EDA: variants seen among roughly 807,000 people sequenced by gnomAD.
The protein encoded by EDA is ectodysplasin-A.
In EDA, 2 loss-of-function variants were observed where a neutral mutation model predicts 23.6. The observed-to-expected ratio is 0.08, with a 90% CI of 0.03 to 0.27. EDA has a LOEUF of 0.27. Among genes scored for constraint, EDA ranks in the 10% least tolerant of loss-of-function variants. EDA has a pLI of 1.00. For synonymous variants in EDA, 131 were observed against 132.0 expected (o/e 0.99, Z 0.05); for missense variants, 229 against 324.2 (o/e 0.71, Z 2.26).
At chrX:69,785,717 G>A (rs1283041132) in intron 1 of EDA, among the ~76,000 whole-genome samples, 1 of 106,915 alleles carries the variant, frequency 9.4e-6, no homozygotes, top group African/African-American at 3.3e-5. Context: ...GAGGATTTTT[G>A]CATCAATGTT....
chrX:70,019,110 C>G (rs1480419323), intron 2 of EDA, among the ~76,000 whole-genome samples: 3 of 111,924 alleles, frequency 2.7e-5, no homozygotes, highest in Non-Finnish European at 5.6e-5. Context: ...CATCACTGAT[C>G]ATTAGAGAAA....
chrX:69,633,985 G>A (rs1176998786), intron 1 of EDA, among the ~76,000 whole-genome samples: 1 of 112,304 alleles, frequency 8.9e-6, no homozygotes, highest in African/African-American at 3.2e-5. Context: ...CACCAGCAGT[G>A]TATAAGGGTT....
chrX:69,856,257 GTGTGTGTGTGT>G (rs2017248244), intron 1 of EDA, among the ~76,000 whole-genome samples: 1 of 79,243 alleles, frequency 1.3e-5, no homozygotes, highest in Non-Finnish European at 2.6e-5. Flanking sequence ...ATTCCATGGT[GTGTGTGTGTGT>G]GTGTGTGTGT....
At chrX:69,974,987 G>A (rs1002908537) in intron 2 of EDA, among the ~76,000 whole-genome samples, 4 of 112,051 alleles carry the variant, frequency 3.6e-5, no homozygotes, top group Admixed American at 1.9e-4. Flanking sequence ...AGGTTGTGGA[G>A]AAAATGGAAC....
chrX:69,831,863 C>T (rs2016618200), intron 1 of EDA, among the ~76,000 whole-genome samples: 2 of 112,104 alleles, frequency 1.8e-5, no homozygotes, highest in South Asian at 7.3e-4. Flanking sequence ...CTGTTCATAT[C>T]CTTTGCCCAC....
intron 1 of EDA, among the ~76,000 whole-genome samples, chrX:69,654,372 T>C (rs1386876485): frequency 1.8e-5 from 2 of 111,359 alleles, no homozygotes; most frequent in Non-Finnish European, 3.8e-5. Flanking sequence ...GTTCAACCAT[T>C]GTGGAAGTCA....
intron 2 of EDA, among the ~76,000 whole-genome samples, chrX:70,005,362 A>G (rs2019789666): frequency 9.0e-6 from 1 of 110,674 alleles, no homozygotes; most frequent in Admixed American, 9.7e-5. Context: ...TTTACTTCCC[A>G]GGTTTACCAC....
At chrX:69,786,531 C>T (rs1362036999) in intron 1 of EDA, among the ~76,000 whole-genome samples, 3 of 109,801 alleles carry the variant, frequency 2.7e-5, no homozygotes, top group African/African-American at 1.0e-4. Flanking sequence ...TTTATTTCTG[C>T]CTTCATTTCG....
intron 1 of EDA, among the ~76,000 whole-genome samples, chrX:69,716,831 G>A (rs1040170610): frequency 9.0e-6 from 1 of 111,199 alleles, no homozygotes; most frequent in Middle Eastern, 4.2e-3. Flanking sequence ...TGTAACAGTT[G>A]TGAATGGGAT....
In EDA at chrX:69,616,367, G is replaced by C; in HGVS notation, c.59G>C (p.Arg20Pro). 1.7e-6 allele frequency: 2 copies of C among 1,208,097 alleles called. No homozygotes were observed. Among genetic ancestry groups the C allele is most frequent in the South Asian group, 3.5e-5 (2 of 56,837 alleles). The change falls in exon 1 of 8, where the codon CGA becomes CCA. Residue 20 changes from arginine to proline, a missense_variant. Physicochemically the swap from Arg to Pro is moderately radical, Grantham distance 103. Transcript: ENST00000374552. ...CTGCCTGCAGCAGCGCCGCGGGAGC[G>C]AGGGAGCCAGGGCTGCGGGTGTGGC... ...ELLPAAAPRE[R>P]GSQGCGCGGA...
chrX:69,714,510 TA>T (rs1304060378), intron 1 of EDA, among the ~76,000 whole-genome samples: 2 of 111,732 alleles, frequency 1.8e-5, no homozygotes, highest in South Asian at 3.7e-4. Context: ...CTCCTGTTTT[TA>T]AAAAAGGTTT....
chrX:70,021,471 A>G (rs55924706), intron 2 of EDA, among the ~76,000 whole-genome samples: 19,086 of 110,934 alleles, frequency 0.17, 1,620 homozygotes, highest in Middle Eastern at 0.34. Flanking sequence ...ATCTTTCCCC[A>G]AACAGCTTTC....
intron 1 of EDA, among the ~76,000 whole-genome samples, chrX:69,714,832 C>G (rs1482862540): frequency 9.0e-6 from 1 of 111,132 alleles, no homozygotes; most frequent in African/African-American, 3.3e-5. Context: ...GATTCCTTCT[C>G]CTTTTTTTCT....
At chrX:69,906,598 T>C (rs1051823493) in intron 1 of EDA, among the ~76,000 whole-genome samples, 2 of 112,140 alleles carry the variant, frequency 1.8e-5, no homozygotes, top group African/African-American at 6.5e-5. Context: ...CAGAATGCTG[T>C]GGCTTTCAGA....
rs1028719814 is a variant in EDA at position 69,653,223 on chromosome X, T to C, written c.396+36519T>C. On this transcript the variant is annotated intron_variant, in intron 1 of 7. Transcript: ENST00000374552. Reference sequence around the variant, plus strand: ...TTGTAAGTTGGATTCCTAGGTATTTTATTCTCTTGGAAGCAATTGTGAATG... The same window carrying C: ...TTGTAAGTTGGATTCCTAGGTATTTCATTCTCTTGGAAGCAATTGTGAATG... Among the ~76,000 whole-genome samples the C allele has an allele frequency of 4.5e-5, 5 of 111,691 alleles. No homozygotes were observed. In the Admixed American group the frequency reaches 4.8e-4, roughly 11 times the overall value.
rs143078868 is a variant in EDA at position 70,015,001 on chromosome X, T to C, written c.503-8217T>C. On this transcript the variant is annotated intron_variant, in intron 2 of 7. Coordinates refer to ENST00000374552, the MANE Select transcript of EDA (RefSeq NM_001399.5). The stretch of plus-strand genomic sequence containing the variant: ...GCAACTTGGAAAACCTACTTGAGGA[T>C]ATTATCCATGAAAATTTCCCCAAAC... 4.9e-3 allele frequency among the ~76,000 whole-genome samples: 553 copies of C among 112,040 alleles called. 24 individuals are homozygous for C. In the East Asian group the frequency reaches 0.13, roughly 26 times the overall value.
At chrX:69,711,141 G>C (rs2012004055) in intron 1 of EDA, among the ~76,000 whole-genome samples, 2 of 111,244 alleles carry the variant, frequency 1.8e-5, no homozygotes, top group South Asian at 3.8e-4. Flanking sequence ...GTCATAGATA[G>C]CTCTTATTAT....
chrX:69,914,170 GC>G (rs1187929930), intron 1 of EDA, among the ~76,000 whole-genome samples: 1 of 111,938 alleles, frequency 8.9e-6, no homozygotes, highest in Admixed American at 9.5e-5. Context: ...AGGTAGGTTT[GC>G]CACAAACATC....
At chrX:69,698,123 T>C (rs1293439928) in intron 1 of EDA, among the ~76,000 whole-genome samples, 1 of 112,060 alleles carries the variant, frequency 8.9e-6, no homozygotes, top group African/African-American at 3.2e-5. Flanking sequence ...TGATATTCGA[T>C]GATCCGTTGC....
Sources: gnomAD v4.1 joint callset for allele counts (sites outside exome capture counted in the v4.1 genomes callset) on GRCh38, gnomAD v4.1.1 for gene constraint, MANE v1.5 for transcripts, NCBI Gene and HGNC (gene_info 2026-07-23, HGNC 2026-07-21) for gene names.